The following CDK14 variants were observed in gnomAD, a reference collection of about 807,000 sequenced individuals.
The protein encoded by CDK14 is cyclin-dependent kinase 14.
In CDK14, 34 loss-of-function variants were observed where a neutral mutation model predicts 60.7. The ratio of observed to expected loss-of-function variants is 0.56; its 90% CI spans 0.43 to 0.75. The LOEUF is 0.75. CDK14 is among the 30% of genes least tolerant of loss of function. The pLI is 0.00. For synonymous variants in CDK14, 197 were observed against 203.7 expected (o/e 0.97, Z 0.28); for missense variants, 482 against 564.1 (o/e 0.85, Z 1.47).
chr7:91,085,169 C>T (rs1479869975), intron 12 of CDK14, among the ~76,000 whole-genome samples: 2 of 152,170 alleles, frequency 1.3e-5, no homozygotes, highest in Admixed American at 1.3e-4. Flanking sequence ...AAGAGCTGAG[C>T]TGATTTCTTT....
chr7:90,850,967 G>A (rs1308471449), intron 5 of CDK14, among the ~76,000 whole-genome samples: 2 of 152,068 alleles, frequency 1.3e-5, no homozygotes, highest in Non-Finnish European at 1.5e-5. Context: ...TGTCCTTTTA[G>A]TCTTCTTAGC....
intron 3 of CDK14, among the ~76,000 whole-genome samples, chr7:90,735,676 C>T (rs892295367): frequency 1.3e-5 from 2 of 152,228 alleles, no homozygotes; most frequent in Middle Eastern, 3.2e-3. Context: ...CTCCCACCCC[C>T]ACCTAGCTTA....
chr7:91,164,403 C>A lies in CDK14; in HGVS notation c.*29-42762C>A, dbSNP rs190175370. 1.3e-3 allele frequency among the ~76,000 whole-genome samples: 193 copies of A among 152,298 alleles called. 1 individual carries two copies. Among genetic ancestry groups the A allele is most frequent in the African/African-American group, 4.4e-3 (181 of 41,552 alleles). The stretch of plus-strand genomic sequence containing the variant: ...AACAACCCGAAGAGAGAGCTACTAT[C>A]GTCAGCCCCATTTACCACATGAGGC... On this transcript the variant is annotated intron_variant, in intron 14 of 14. Transcript: ENST00000380050.
At chr7:90,963,386 G>T (rs1794661039) in intron 9 of CDK14, among the ~76,000 whole-genome samples, 1 of 151,792 alleles carries the variant, frequency 6.6e-6, no homozygotes, top group African/African-American at 2.4e-5. Context: ...TTGCACTCCA[G>T]CCTGGCCCCA....
chr7:91,043,267 T>A (rs924596329), intron 10 of CDK14, among the ~76,000 whole-genome samples: 1 of 152,228 alleles, frequency 6.6e-6, no homozygotes, highest in African/African-American at 2.4e-5. Context: ...AATTGTACTT[T>A]ATTAGGAGCA....
At chr7:90,667,934 T>TAGGG (rs1275236585) in intron 2 of CDK14, among the ~76,000 whole-genome samples, 5 of 152,220 alleles carry the variant, frequency 3.3e-5, no homozygotes, top group African/African-American at 1.2e-4. Context: ...TATCCATCCA[T>TAGGG]TAGTTGACGG....
chr7:90,942,644 C>T (rs1793970397), intron 8 of CDK14, among the ~76,000 whole-genome samples: 1 of 152,152 alleles, frequency 6.6e-6, no homozygotes, highest in South Asian at 2.1e-4. Context: ...ATAGGGGGAA[C>T]CTTCATTGTG....
intron 5 of CDK14, among the ~76,000 whole-genome samples, chr7:90,841,542 T>G (rs894636888): frequency 6.6e-6 from 1 of 152,038 alleles, no homozygotes; most frequent in Non-Finnish European, 1.5e-5. Context: ...CTTAATTGCC[T>G]CCTTTTTTGT....
chr7:91,140,539 G>A (rs765780449), intron 14 of CDK14, among the ~76,000 whole-genome samples: 1 of 152,154 alleles, frequency 6.6e-6, no homozygotes, highest in Non-Finnish European at 1.5e-5. Flanking sequence ...ACTTGATTCA[G>A]TACAGGCAGC....
intron 9 of CDK14, among the ~76,000 whole-genome samples, chr7:90,957,628 A>G (rs1482540985): frequency 6.6e-6 from 1 of 152,134 alleles, no homozygotes; most frequent in Non-Finnish European, 1.5e-5. Flanking sequence ...TAAAATACCT[A>G]GGAATCCAAC....
At chr7:90,835,497 T>C (rs888828564) in intron 5 of CDK14, among the ~76,000 whole-genome samples, 6 of 152,172 alleles carry the variant, frequency 3.9e-5, no homozygotes, top group African/African-American at 1.2e-4. Flanking sequence ...TGAATACAAA[T>C]GCGCTTAATA....
chr7:90,950,376 A>G (rs1794220757), intron 8 of CDK14, among the ~76,000 whole-genome samples: 1 of 152,224 alleles, frequency 6.6e-6, no homozygotes, highest in South Asian at 2.1e-4. Flanking sequence ...CTGGCCAACA[A>G]TAAAAATAAT....
chr7:91,016,303 G>A (rs938042937), intron 10 of CDK14, among the ~76,000 whole-genome samples: 1 of 151,612 alleles, frequency 6.6e-6, no homozygotes, highest in African/African-American at 2.4e-5. Context: ...CTTTACACAC[G>A]CCTCTCATTT....
At chr7:90,750,184 A>G (rs1803772166) in intron 4 of CDK14, among the ~76,000 whole-genome samples, 1 of 151,800 alleles carries the variant, frequency 6.6e-6, no homozygotes, top group South Asian at 2.1e-4. Flanking sequence ...ACACACACAC[A>G]CACACACACA....
At chr7:91,163,942 A>G (rs1801254273) in intron 14 of CDK14, among the ~76,000 whole-genome samples, 1 of 152,188 alleles carries the variant, frequency 6.6e-6, no homozygotes, top group Admixed American at 6.5e-5. Flanking sequence ...GGTCCAAGGC[A>G]TGGGCTCAAG....
intron 10 of CDK14, among the ~76,000 whole-genome samples, chr7:91,021,929 T>C (rs1000687474): frequency 6.6e-6 from 1 of 152,204 alleles, no homozygotes; most frequent in African/African-American, 2.4e-5. Context: ...GAGTAGATTT[T>C]AACCAAATAT....
intron 2 of CDK14, among the ~76,000 whole-genome samples, chr7:90,651,364 G>T (rs1005129): frequency 9.2e-5 from 14 of 151,736 alleles, no homozygotes; most frequent in Admixed American, 9.2e-4. Context: ...TTCCACTTAA[G>T]GTTCTAATAC....
At chr7:90,650,352 A>G (rs1800604559) in intron 2 of CDK14, among the ~76,000 whole-genome samples, 2 of 151,230 alleles carry the variant, frequency 1.3e-5, no homozygotes, top group African/African-American at 4.9e-5. Context: ...TAGATTCTGG[A>G]TATTAGCCCT....
rs541866782 is a variant in CDK14 at position 90,849,272 on chromosome 7, G to A, written c.545-13903G>A. Reference sequence around the variant, plus strand: ...TCTCTCATCATGTGATATGCTGCTCGCTCTTCACCTCCTGCCATGACAGAA... The same window carrying A: ...TCTCTCATCATGTGATATGCTGCTCACTCTTCACCTCCTGCCATGACAGAA... On this transcript the variant is annotated intron_variant, in intron 5 of 14. Transcript: ENST00000380050. 5.3e-5 allele frequency among the ~76,000 whole-genome samples: 8 copies of A among 152,014 alleles called. No individual in the cohort carries two copies. The South Asian group carries it at 1.2e-3, about 24-fold the overall frequency.
Sources: gnomAD v4.1 joint callset for allele counts (sites outside exome capture counted in the v4.1 genomes callset) on GRCh38, gnomAD v4.1.1 for gene constraint, MANE v1.5 for transcripts, NCBI Gene and HGNC (gene_info 2026-07-23, HGNC 2026-07-21) for gene names.